Variants in ERBB3 observed in about 807,000 individuals in gnomAD.
ERBB3 encodes the protein erb-b2 receptor tyrosine kinase 3, also known as receptor tyrosine-protein kinase erbB-3.
Under a neutral mutation model 156.7 loss-of-function variants are expected in ERBB3, and 96 were observed. The ratio of observed to expected loss-of-function variants is 0.61; its 90% CI spans 0.52 to 0.73. The LOEUF (loss-of-function observed/expected upper bound fraction) is 0.73, where lower values mean the gene tolerates loss of function less well. Ranked by LOEUF, ERBB3 falls within the 30% of genes least tolerant of loss-of-function variation. ERBB3 has a pLI of 0.00. For missense variants in ERBB3, 1,406 were observed against 1,709.4 expected (o/e 0.82, Z 3.13); for synonymous variants, 567 against 632.0 (o/e 0.90, Z 1.54).
In ERBB3 at chr12:56,087,875, G is replaced by A. The variant is rs140656187; in HGVS notation, c.694G>A (p.Ala232Thr). 6.2e-7 allele frequency: 1 copy of A among 1,614,206 alleles called. No homozygotes were observed. Residue 232 changes from alanine (A) to threonine (T), a missense_variant, in exon 6 of 28, where the codon GCC (alanine) becomes ACC (threonine). By Grantham distance (58) the Ala-to-Thr change is moderately conservative. This residue lies in a region of ERBB3 where 979 missense variants were observed against 1,219.6 expected (regional missense o/e 0.80). Coordinates refer to ENST00000267101, the MANE Select transcript of ERBB3 (RefSeq NM_001982.4). ...NPNQCCHDECAGGCSGPQDTD... is the reference protein window; with the variant it reads ...NPNQCCHDECTGGCSGPQDTD... ...CAACCAGTGCTGCCATGATGAGTGT[G>A]CCGGGGGCTGCTCAGGCCCTCAGGA...
Position 56,102,806 on chromosome 12 carries a change from TAAAAAAAAAAAAAAAA to T in ERBB3, c.*764_*779del, listed in dbSNP as rs4016497. Reference sequence around the variant, plus strand: ...CAACATAGTAAGACCCCCATCTCTTTAAAAAAAAAAAAAAAAAAAAAAAAAAAACTTTAGAACTGGG... The same window carrying T: ...CAACATAGTAAGACCCCCATCTCTTTAAAAAAAAAAAACTTTAGAACTGGG... On this transcript the variant is annotated 3_prime_UTR_variant, in exon 28 of 28. Transcript: ENST00000267101. 1.8e-5 allele frequency: 1 copy of T among 54,242 alleles called. No individual in the cohort carries two copies. The highest frequency in any genetic ancestry group is 8.4e-5 in the African/African-American group (1 of 11,858). 3.4% of individuals were successfully genotyped at this position (54,242 alleles called of 1,614,324 possible).
intron 3 of ERBB3, 76 bp from the exon 4 acceptor site, chr12:56,086,455 T>C (rs555476092): frequency 6.3e-7 from 1 of 1,588,636 alleles, no homozygotes. Flanking sequence ...TCAGGTGTCC[T>C]TTTGGATGGG....
intron 2 of ERBB3, among the ~76,000 whole-genome samples, chr12:56,084,300 A>G (rs920081275): frequency 6.6e-6 from 1 of 151,998 alleles, no homozygotes; most frequent in African/African-American, 2.4e-5. Flanking sequence ...TCTACTCCCT[A>G]CTCCCAAATA....
intron 6 of ERBB3, 52 bp downstream of exon 6, chr12:56,087,965 G>C (rs1213930213): frequency 6.2e-7 from 1 of 1,613,774 alleles, no homozygotes; most frequent in East Asian, 2.2e-5. Context: ...TGGCCTTTGA[G>C]GAGGAGGTAG....
chr12:56,092,736 G>A lies in ERBB3; in HGVS notation c.1110-11G>A, dbSNP rs752507110. 2 of 1,608,378 alleles carry A rather than the reference G, an allele frequency of 1.2e-6. No individual in the cohort carries two copies. The highest frequency in any genetic ancestry group is 1.1e-5 in the South Asian group (1 of 90,956). The stretch of plus-strand genomic sequence containing the variant: ...TTTACCTTATTGACTGGTTTCTACT[G>A]TTCTATTCAGAGACCCCTGGCACAA... On this transcript the variant is annotated splice_polypyrimidine_tract_variant and intron_variant, in intron 9 of 27. Transcript: ENST00000267101.
rs1164452855 is a variant in ERBB3, at chr12:56,102,004, T to A, written c.3978T>A (p.Pro1326=). 6.2e-7 allele frequency: 1 copy of A among 1,613,490 alleles called. No homozygotes were observed. Among genetic ancestry groups the A allele is most frequent in the Admixed American group, 1.7e-5 (1 of 59,990 alleles). The part of the protein sequence containing the change: ...LEATDSAFDN[P]DYWHSRLFPK... ...CTACAGACTCTGCCTTTGATAACCC[T>A]GATTACTGGCATAGCAGGCTTTTCC... The change falls in exon 28 of 28, where the codon CCT becomes CCA. Residue 1326 remains proline (P), a synonymous_variant. Transcript: ENST00000267101.
In ERBB3 at chr12:56,101,830, T is replaced by C. The variant is rs755800903; in HGVS notation, c.3804T>C (p.Asp1268=). 2.0e-5 allele frequency: 32 copies of C among 1,611,192 alleles called. 1 individual carries two copies. Among genetic ancestry groups the C allele is most frequent in the Admixed American group, 1.2e-4 (7 of 59,592 alleles). ...EDYEYMNRQR[D]GGGPGGDYAA... ...ATGAATATATGAATCGGCAACGAGA[T>C]GGAGGTGGTCCTGGGGGTGATTATG... The change falls in exon 28 of 28, where the codon GAT becomes GAC. Residue 1268 remains aspartate, a synonymous_variant. Transcript: ENST00000267101.
intron 8 of ERBB3, 37 bp from the exon 9 acceptor site, chr12:56,088,711 G>A (rs768334019): frequency 1.2e-5 from 19 of 1,613,980 alleles, no homozygotes; most frequent in South Asian, 2.2e-5. Context: ...CTGAGCCTGC[G>A]CAGACCACCC....
chr12:56,094,904 T>C lies in ERBB3; in HGVS notation c.1859+348T>C, dbSNP rs533396528. On this transcript the variant is annotated intron_variant, in intron 15 of 27. Transcript: ENST00000267101. ...AGGCAGAGGTTGCGGTGAGCTGAGA[T>C]TGCATCATTGTACTCCAGCCTGGGC... 3.3e-5 allele frequency among the ~76,000 whole-genome samples: 5 copies of C among 150,980 alleles called. No individual in the cohort carries two copies. The South Asian group carries it at 1.0e-3, about 32-fold the overall frequency.
intron 2 of ERBB3, 67 bp from the exon 3 acceptor site, chr12:56,084,925 AAGG>A: frequency 1.2e-6 from 2 of 1,609,920 alleles, no homozygotes; most frequent in South Asian, 2.2e-5. Context: ...TTAATGCCTG[AAGG>A]AGGAGAGGAG....
chr12:56,096,979 G>T, intron 19 of ERBB3, 66 bp from the exon 20 acceptor site: 1 of 1,531,884 alleles, frequency 6.5e-7, no homozygotes, highest in Non-Finnish European at 9.0e-7. Flanking sequence ...GCCTGGGCTG[G>T]CTGTGCACAT....
At position 56,087,910 on chromosome 12, in the gene ERBB3, C is replaced by A. The variant is rs764658539; in HGVS notation, c.729C>A (p.Cys243Ter). The A allele has an allele frequency of 6.2e-7, 1 of 1,613,874 alleles. No homozygotes were observed. The highest frequency in any genetic ancestry group is 8.5e-7 in the Non-Finnish European group (1 of 1,179,752). ...GGCSGPQDTD[C>*]FACRHFNDSG... ...GCTCAGGCCCTCAGGACACAGACTG[C>A]TTTGTATGTACCCTTTCCATTGCCT... is the stretch of plus-strand genomic sequence containing the variant. The change falls in exon 6 of 28, where the codon TGC (cysteine) becomes TGA (stop). Residue 243 changes from cysteine to a stop codon, truncating the protein, a stop_gained. Transcript: ENST00000267101. LOFTEE classifies it high-confidence loss of function.
At chr12:56,086,417 G>A (rs1227658345) in intron 3 of ERBB3, 114 bp from the exon 4 acceptor site, 3 of 1,265,044 alleles carry the variant, frequency 2.4e-6, no homozygotes, top group Non-Finnish European at 3.5e-6. Flanking sequence ...GGACCTATCT[G>A]TCTGCCTCAT....
At chr12:56,093,144 T>G in intron 11 of ERBB3, 68 bp downstream of exon 11, 1 of 1,322,526 alleles carries the variant, frequency 7.6e-7, no homozygotes, top group South Asian at 1.2e-5. Context: ...CATTCTTTAG[T>G]AAAATACAAG....
At chr12:56,086,506 C>A in intron 3 of ERBB3, 25 bp from the exon 4 acceptor site, 1 of 1,613,862 alleles carries the variant, frequency 6.2e-7, no homozygotes. Flanking sequence ...GGCCCTTAAC[C>A]CTGTCACTTC....
chr12:56,096,441 C>A, intron 17 of ERBB3, 62 bp from the exon 18 acceptor site: 6 of 1,606,894 alleles, frequency 3.7e-6, no homozygotes, highest in Non-Finnish European at 5.1e-6. Flanking sequence ...CTATGAGGAG[C>A]GGGTTGGAGT....
At chr12:56,080,427 G>A (rs1307966392) in intron 1 of ERBB3, 45 bp downstream of exon 1, 1 of 1,457,210 alleles carries the variant, frequency 6.9e-7, no homozygotes, top group Admixed American at 1.9e-5. Context: ...CTGGGAGCCG[G>A]AACCCAGTGC....
chr12:56,088,748 C>T lies in ERBB3; in HGVS notation c.989C>T (p.Ala330Val), dbSNP rs2136798146. The T allele has an allele frequency of 6.2e-7, 1 of 1,614,162 alleles. No individual in the cohort carries two copies. Among genetic ancestry groups the T allele is most frequent in the East Asian group, 2.2e-5 (1 of 44,882 alleles). The change falls in exon 9 of 28, where the codon GCC becomes GTC. Residue 330 changes from alanine to valine, a missense_variant and splice_region_variant. By Grantham distance (64) the Ala-to-Val change is moderately conservative (BLOSUM62 0). Around this residue, in one of 3 missense-constraint regions of ERBB3, gnomAD observed 979 missense variants for 1,219.6 expected, o/e 0.80. Coordinates refer to ENST00000267101, the MANE Select transcript of ERBB3 (RefSeq NM_001982.4). Reference sequence around the variant, plus strand: ...CACTGAACCTCTCTTACATTTGCAGCCTGTGAGGGAACAGGCTCTGGGAGC... The same window carrying T: ...CACTGAACCTCTCTTACATTTGCAGTCTGTGAGGGAACAGGCTCTGGGAGC... ...CEPCGGLCPKACEGTGSGSRF... is the reference protein window; with the variant it reads ...CEPCGGLCPKVCEGTGSGSRF...
Position 56,087,885 on chromosome 12 carries a change from G to T in ERBB3, c.704G>T (p.Cys235Phe). ...TGCCATGATGAGTGTGCCGGGGGCT[G>T]CTCAGGCCCTCAGGACACAGACTGC... ...QCCHDECAGG[C>F]SGPQDTDCFA... Residue 235 changes from cysteine (C) to phenylalanine (F), a missense_variant, in exon 6 of 28, where the codon TGC (cysteine) becomes TTC (phenylalanine). Physicochemically the swap from Cys to Phe is radical, Grantham distance 205 (BLOSUM62 -2). This residue lies in a region of ERBB3 where 979 missense variants were observed against 1,219.6 expected (regional missense o/e 0.80). Coordinates refer to ENST00000267101, the MANE Select transcript of ERBB3 (RefSeq NM_001982.4). 6.2e-7 allele frequency: 1 copy of T among 1,614,176 alleles called. No homozygotes were observed. The highest frequency in any genetic ancestry group is 8.5e-7 in the Non-Finnish European group (1 of 1,180,000).
Sources: allele counts gnomAD v4.1 joint callset (sites outside exome capture counted in the v4.1 genomes callset), GRCh38; gene constraint gnomAD v4.1.1; regional missense constraint gnomAD v4.1.1; transcripts MANE v1.5; gene names NCBI Gene and HGNC (gene_info 2026-07-23, HGNC 2026-07-21).